PIH1D1: variants seen among roughly 807,000 people sequenced by gnomAD.
PIH1D1 encodes PIH1 domain containing 1, also known as PIH1 domain-containing protein 1.
Under a neutral mutation model 38.5 loss-of-function variants are expected in PIH1D1, and 28 were observed. The observed-to-expected ratio is 0.73, with a 90% CI of 0.54 to 1.00. The LOEUF is 1.00. Among genes scored for constraint, PIH1D1 ranks in the 50% least tolerant of loss-of-function variants. The pLI, the probability that PIH1D1 is intolerant of heterozygous loss-of-function variation, is 0.00. For synonymous variants in PIH1D1, 155 were observed against 153.5 expected, an observed-to-expected ratio of 1.01 and a Z score of -0.07; for missense variants, 343 against 369.9, an observed-to-expected ratio of 0.93 and a Z score of 0.60.
Position 49,447,066 on chromosome 19 carries a change from T to G in PIH1D1, c.645A>C (p.Glu215Asp), listed in dbSNP as rs141952606. ...PEKPHLNLWL[E>D]APDLLLAEVD... ...CTTCGGCCAAGAGGAGGTCGGGGGC[T>G]TCCAGCCACAGGTTCAGGTGAGGCT... The change falls in exon 7 of 9, where the codon GAA becomes GAC. Residue 215 changes from glutamate to aspartate, a missense_variant. By Grantham distance (45) the Glu-to-Asp change is conservative. Coordinates refer to ENST00000262265, the MANE Select transcript of PIH1D1 (RefSeq NM_017916.3). 1 of 1,613,580 alleles carries G rather than the reference T, an allele frequency of 6.2e-7. No individual in the cohort carries two copies. The highest frequency in any genetic ancestry group is 1.1e-5 in the South Asian group (1 of 91,056).
intron 5 of PIH1D1, 60 bp downstream of exon 5, chr19:49,447,767 G>T: frequency 6.5e-7 from 1 of 1,526,976 alleles, no homozygotes; most frequent in Non-Finnish European, 9.1e-7. Flanking sequence ...TCTCCTAGGG[G>T]TGTTCCCCAA....
Position 49,447,824 on chromosome 19 carries a change from C to T in PIH1D1, c.481+3G>A. On this transcript the variant is annotated splice_donor_region_variant and intron_variant, in intron 5 of 8. Transcript: ENST00000262265. Reference sequence around the variant, plus strand: ...TCCCGAGGGCCCAGGACCTGCCCCTCACCCGGATTCAGCTGCAAGTTGTAT... The same window carrying T: ...TCCCGAGGGCCCAGGACCTGCCCCTTACCCGGATTCAGCTGCAAGTTGTAT... 1 of 1,614,020 alleles carries T rather than the reference C, an allele frequency of 6.2e-7. No individual in the cohort carries two copies. Among genetic ancestry groups the T allele is most frequent in the Admixed American group, 1.7e-5 (1 of 60,032 alleles).
intron 8 of PIH1D1, 25 bp downstream of exon 8, chr19:49,446,526 T>C (rs1435651111): frequency 4.3e-6 from 7 of 1,612,520 alleles, no homozygotes; most frequent in Non-Finnish European, 5.9e-6. Context: ...ATGTCCCAGC[T>C]TCCCCAAGCC....
chr19:49,446,487 C>T, intron 8 of PIH1D1, 64 bp from the exon 9 acceptor site: 1 of 1,544,456 alleles, frequency 6.5e-7, no homozygotes, highest in East Asian at 2.2e-5. Context: ...CAGCCCCCCT[C>T]CCTGGGAGAC....
chr19:49,450,447 C>T (rs2079051482), intron 2 of PIH1D1, among the ~76,000 whole-genome samples: 1 of 152,104 alleles, frequency 6.6e-6, no homozygotes, highest in Non-Finnish European at 1.5e-5. Flanking sequence ...GAGACAGAGT[C>T]TCGCTCTGTC....
chr19:49,450,631 C>G, intron 2 of PIH1D1, 151 bp downstream of exon 2: 1 of 725,816 alleles, frequency 1.4e-6, no homozygotes, highest in South Asian at 2.0e-5. Context: ...CTACTCTGTC[C>G]TCCAACTCCT....
chr19:49,450,717 C>T, intron 2 of PIH1D1, 65 bp downstream of exon 2: 1 of 460,428 alleles, frequency 2.2e-6, no homozygotes, highest in Non-Finnish European at 3.1e-6. Context: ...GTGTCTCTTT[C>T]CTTCCTCCTC....
At chr19:49,449,260 G>A in intron 3 of PIH1D1, 1 of 684,160 alleles carries the variant, frequency 1.5e-6, no homozygotes, top group Non-Finnish European at 2.7e-6. Flanking sequence ...CTGGAGTGGG[G>A]CATGGAAAAG....
In PIH1D1 at chr19:49,451,486, T is replaced by C. The variant is rs767569977; in HGVS notation, c.89A>G (p.Gln30Arg). 2 of 1,613,794 alleles carry C rather than the reference T, an allele frequency of 1.2e-6. No individual in the cohort carries two copies. The highest frequency in any genetic ancestry group is 1.6e-4 in the Middle Eastern group (1 of 6,062). ...DSARFEELLL[Q>R]ASKELQQAQT... ...GATCCAGGGGTCCGGTCACTGCACC[T>C]GCAGCAGCAGCTCCTCAAATCGCGC... Residue 30 changes from glutamine to arginine, a missense_variant and splice_region_variant, in exon 1 of 9, where the codon CAG becomes CGG. By Grantham distance (43) the Gln-to-Arg change is conservative. Coordinates refer to ENST00000262265, the MANE Select transcript of PIH1D1 (RefSeq NM_017916.3).
Position 49,447,711 on chromosome 19 carries a change from C to T in PIH1D1, c.481+116G>A, listed in dbSNP as rs1303183071. 6 of 1,135,456 alleles carry T rather than the reference C, an allele frequency of 5.3e-6. No individual in the cohort carries two copies. In the African/African-American group the frequency reaches 9.1e-5, roughly 17 times the overall value. 70.3% of individuals were successfully genotyped at this position (1,135,456 alleles called of 1,614,324 possible). A position where few individuals can be genotyped will look rare whatever the true frequency, so the allele number is the denominator to read the frequency against. Reference sequence around the variant, plus strand: ...TCAGGGCGTCCAGACTCCACCCCCTCCTAGTAGCACAGACTCCAGGGCACC... The same window carrying T: ...TCAGGGCGTCCAGACTCCACCCCCTTCTAGTAGCACAGACTCCAGGGCACC... On this transcript the variant is annotated intron_variant, in intron 5 of 8. Coordinates refer to ENST00000262265, the MANE Select transcript of PIH1D1 (RefSeq NM_017916.3).
At chr19:49,450,707 G>A (rs1373567092) in intron 2 of PIH1D1, 75 bp downstream of exon 2, 22 of 349,784 alleles carry the variant, frequency 6.3e-5, no homozygotes, top group South Asian at 1.5e-4. Flanking sequence ...CTTTATTTTC[G>A]TGTCTCTTTC....
intron 3 of PIH1D1, 54 bp from the exon 4 acceptor site, chr19:49,448,116 A>AG: frequency 6.4e-7 from 1 of 1,561,030 alleles, no homozygotes; most frequent in Non-Finnish European, 8.8e-7. Context: ...GGAAGCCCAC[A>AG]GCCCAGACCC....
chr19:49,447,712 C>A, intron 5 of PIH1D1, 115 bp downstream of exon 5: 1 of 1,137,028 alleles, frequency 8.8e-7, no homozygotes, highest in South Asian at 1.3e-5. Context: ...CCACCCCCTC[C>A]TAGTAGCACA....
In PIH1D1 at chr19:49,446,435, G is replaced by C. The variant is rs1276472644; in HGVS notation, c.832-12C>G. On this transcript the variant is annotated splice_polypyrimidine_tract_variant and intron_variant, in intron 8 of 8. Transcript: ENST00000262265. Reference sequence around the variant, plus strand: ...GCCACCATTAATTGCTGAGGAGACAGAGCAAAGAGAATGAGGATCCAGGAC... The same window carrying C: ...GCCACCATTAATTGCTGAGGAGACACAGCAAAGAGAATGAGGATCCAGGAC... 3 of 1,103,854 alleles carry C rather than the reference G, an allele frequency of 2.7e-6. No homozygotes were observed. The highest frequency in any genetic ancestry group is 3.4e-5 in the Admixed American group (2 of 59,374). The allele number at this position is 1,103,854 out of a possible 1,614,324, so 68.4% of individuals were successfully genotyped here.
chr19:49,446,966 C>A (rs1042091143), intron 7 of PIH1D1, 58 bp downstream of exon 7: 2 of 1,408,858 alleles, frequency 1.4e-6, no homozygotes, highest in Non-Finnish European at 2.0e-6. Flanking sequence ...CACTCAGAGA[C>A]AGTCCCTGAC....
intron 6 of PIH1D1, 52 bp from the exon 7 acceptor site, chr19:49,447,151 G>C: frequency 6.5e-7 from 1 of 1,538,046 alleles, no homozygotes; most frequent in South Asian, 1.1e-5. Context: ...TCTTTGCCTG[G>C]CGTGCTGTCC....
chr19:49,450,868 C>T lies in PIH1D1; in HGVS notation c.91-20G>A. 1 of 1,613,730 alleles carries T rather than the reference C, an allele frequency of 6.2e-7. No homozygotes were observed. Reference sequence around the variant, plus strand: ...CGAGGCCTGTATAAAGGAAAACTACCTCCAGGCTCGGAGTCTGTGCCATCA... The same window carrying T: ...CGAGGCCTGTATAAAGGAAAACTACTTCCAGGCTCGGAGTCTGTGCCATCA... On this transcript the variant is annotated intron_variant, in intron 1 of 8. Transcript: ENST00000262265.
intron 1 of PIH1D1, 130 bp downstream of exon 1, chr19:49,451,355 G>C (rs1439239796): frequency 1.5e-6 from 2 of 1,331,640 alleles, no homozygotes; most frequent in African/African-American, 2.9e-5. Flanking sequence ...TAGCAAACTT[G>C]AAGCCCATTA....
rs1026720753 is a variant in PIH1D1 at position 49,447,411 on chromosome 19, G to A, written c.538C>T (p.Arg180Cys). The stretch of plus-strand genomic sequence containing the variant: ...TGGATCCGAGGACGCTGCTCCGAGC[G>A]GATGTTCTGCTGCGAGATGGAGCCC... Reference protein sequence around the residue: ...FMGSISQQNIRSEQRPRIQEL... With the variant: ...FMGSISQQNICSEQRPRIQEL... Residue 180 changes from arginine (R) to cysteine (C), a missense_variant, in exon 6 of 9, where the codon CGC becomes TGC. Physicochemically the swap from Arg to Cys is radical, Grantham distance 180. Coordinates refer to ENST00000262265, the MANE Select transcript of PIH1D1 (RefSeq NM_017916.3). The A allele has an allele frequency of 4.3e-6, 7 of 1,613,018 alleles. No individual in the cohort carries two copies. The highest frequency in any genetic ancestry group is 2.2e-5 in the East Asian group (1 of 44,876).
Sources: gnomAD v4.1 joint callset for allele counts (sites outside exome capture counted in the v4.1 genomes callset) on GRCh38, gnomAD v4.1.1 for gene constraint, MANE v1.5 for transcripts, NCBI Gene and HGNC (gene_info 2026-07-23, HGNC 2026-07-21) for gene names.